GPM6A: variants seen among roughly 807,000 people sequenced by gnomAD.
GPM6A encodes glycoprotein M6A.
GPM6A carries 7 observed loss-of-function variants against 32.1 expected under a neutral mutation model. That is an observed-to-expected ratio of 0.22 (90% CI 0.12 to 0.41). GPM6A has a LOEUF of 0.41. Among genes scored for constraint, GPM6A ranks in the 10% least tolerant of loss-of-function variants. The pLI, the probability that GPM6A is intolerant of heterozygous loss-of-function variation, is 1.00. For missense variants in GPM6A, 235 were observed against 347.2 expected, an observed-to-expected ratio of 0.68 and a Z score of 2.57; for synonymous variants, 130 against 123.4, an observed-to-expected ratio of 1.05 and a Z score of -0.35.
chr4:175,820,793 C>G (rs1560950909), intron 1 of GPM6A, among the ~76,000 whole-genome samples: 1 of 152,242 alleles, frequency 6.6e-6, no homozygotes, highest in African/African-American at 2.4e-5. Context: ...GCCACCACAC[C>G]CGGCCTGTTT....
At chr4:175,937,127 T>C (rs927649809) in intron 1 of GPM6A, among the ~76,000 whole-genome samples, 29 of 152,138 alleles carry the variant, frequency 1.9e-4, no homozygotes, top group African/African-American at 6.0e-4. Flanking sequence ...TTTTGGGAGA[T>C]GGCAATTTAT....
intron 3 of GPM6A, among the ~76,000 whole-genome samples, chr4:175,665,114 G>T (rs1001979272): frequency 1.3e-5 from 2 of 152,128 alleles, no homozygotes; most frequent in African/African-American, 4.8e-5. Context: ...AACACATTAG[G>T]GGGTGCATCA....
chr4:175,636,432 A>T (rs1297802592), intron 6 of GPM6A, among the ~76,000 whole-genome samples: 1 of 151,426 alleles, frequency 6.6e-6, no homozygotes, highest in Non-Finnish European at 1.5e-5. Flanking sequence ...AAATAAATGA[A>T]TGTATTTTTC....
chr4:176,000,842 C>G (rs1245369686), intron 1 of GPM6A, among the ~76,000 whole-genome samples: 3 of 152,250 alleles, frequency 2.0e-5, no homozygotes, highest in South Asian at 4.1e-4. Flanking sequence ...AAAAAAAGAG[C>G]CTGAAATACT....
At chr4:175,823,834 AC>A (rs1353192153) in intron 1 of GPM6A, among the ~76,000 whole-genome samples, 1 of 152,190 alleles carries the variant, frequency 6.6e-6, no homozygotes, top group African/African-American at 2.4e-5. Context: ...CAGACTGACA[AC>A]TTTTCTCATT....
chr4:175,990,707 A>G (rs943460784), intron 1 of GPM6A, among the ~76,000 whole-genome samples: 2 of 151,916 alleles, frequency 1.3e-5, no homozygotes, highest in African/African-American at 4.8e-5. Flanking sequence ...TCCCACAACA[A>G]TGATCTTAAG....
intron 1 of GPM6A, among the ~76,000 whole-genome samples, chr4:175,977,609 C>T (rs569863933): frequency 3.3e-5 from 5 of 152,244 alleles, no homozygotes; most frequent in African/African-American, 9.6e-5. Flanking sequence ...CTTGTGATTA[C>T]AAACTTGTAT....
chr4:175,798,836 G>A (rs1205069988), intron 1 of GPM6A, among the ~76,000 whole-genome samples: 1 of 151,824 alleles, frequency 6.6e-6, no homozygotes, highest in East Asian at 1.9e-4. Context: ...AGAATACGGT[G>A]GATTACTTCA....
At chr4:175,729,465 T>C (rs1002497928) in intron 1 of GPM6A, among the ~76,000 whole-genome samples, 5 of 152,158 alleles carry the variant, frequency 3.3e-5, no homozygotes, top group African/African-American at 1.2e-4. Context: ...CCTGTCTATT[T>C]AAAGTCAGTT....
At chr4:175,974,676 C>G (rs1740607724) in intron 1 of GPM6A, among the ~76,000 whole-genome samples, 1 of 148,286 alleles carries the variant, frequency 6.7e-6, no homozygotes. Flanking sequence ...CTCCTGGTAC[C>G]TTTCCTTTAT....
rs116742233 is a variant in GPM6A at position 175,714,770 on chromosome 4, G to T, written c.38-13003C>A. ...AAGATTAATATTTAACATTCAGACCGTTTTTTTTTAAGAAATATATTACTA... is the reference window on the plus strand; with the variant it reads ...AAGATTAATATTTAACATTCAGACCTTTTTTTTTTAAGAAATATATTACTA... On this transcript the variant is annotated intron_variant, in intron 1 of 6. Coordinates refer to ENST00000393658, the MANE Select transcript of GPM6A (RefSeq NM_201591.3). Among the ~76,000 whole-genome samples the T allele has an allele frequency of 5.3e-3, 784 of 146,646 alleles. 8 individuals are homozygous for T. The highest frequency in any genetic ancestry group is 0.018 in the African/African-American group (743 of 40,606).
At chr4:175,672,269 G>GT in intron 3 of GPM6A, among the ~76,000 whole-genome samples, 1 of 152,136 alleles carries the variant, frequency 6.6e-6, no homozygotes, top group Non-Finnish European at 1.5e-5. Flanking sequence ...TTTCGTTAGG[G>GT]TTTTAGAATC....
intron 2 of GPM6A, among the ~76,000 whole-genome samples, chr4:175,695,150 G>T (rs2111046962): frequency 6.6e-6 from 1 of 152,338 alleles, no homozygotes; most frequent in South Asian, 2.1e-4. Context: ...CCAGGCATAA[G>T]CCTGCTTCAG....
chr4:175,843,997 T>C (rs1736016985), intron 1 of GPM6A, among the ~76,000 whole-genome samples: 1 of 152,182 alleles, frequency 6.6e-6, no homozygotes, highest in Non-Finnish European at 1.5e-5. Flanking sequence ...CCCCCACCTT[T>C]GATACATAAG....
At chr4:175,753,982 CAG>C (rs1477552598) in intron 1 of GPM6A, among the ~76,000 whole-genome samples, 1 of 152,132 alleles carries the variant, frequency 6.6e-6, no homozygotes, top group African/African-American at 2.4e-5. Context: ...ATTTTCTCCT[CAG>C]AGTTTTACTT....
intron 1 of GPM6A, among the ~76,000 whole-genome samples, chr4:175,836,912 C>T (rs1367077478): frequency 6.6e-6 from 1 of 152,094 alleles, no homozygotes; most frequent in African/African-American, 2.4e-5. Context: ...AACAACTCCC[C>T]CAGGATGTCC....
intron 1 of GPM6A, among the ~76,000 whole-genome samples, chr4:175,834,369 G>T (rs1735702077): frequency 6.6e-6 from 1 of 152,124 alleles, no homozygotes; most frequent in Non-Finnish European, 1.5e-5. Context: ...TTGCTTGTTT[G>T]CATGGGTGGT....
intron 1 of GPM6A, among the ~76,000 whole-genome samples, chr4:175,764,395 A>G (rs1732877703): frequency 6.6e-6 from 1 of 152,074 alleles, no homozygotes; most frequent in African/African-American, 2.4e-5. Context: ...GATATACCAC[A>G]TTTTGTTTAT....
chr4:175,663,539 C>CA (rs1422223912), intron 3 of GPM6A, among the ~76,000 whole-genome samples: 2 of 152,028 alleles, frequency 1.3e-5, no homozygotes, highest in Admixed American at 1.3e-4. Context: ...GTTCTCAATA[C>CA]AAAAAACCAT....
Sources: gnomAD v4.1 joint callset for allele counts (sites outside exome capture counted in the v4.1 genomes callset) on GRCh38, gnomAD v4.1.1 for gene constraint, MANE v1.5 for transcripts, NCBI Gene and HGNC (gene_info 2026-07-23, HGNC 2026-07-21) for gene names.